ZNF618: variants seen among roughly 807,000 people sequenced by gnomAD.
ZNF618 encodes the protein zinc finger protein 618.
A neutral mutation model predicts 103.0 loss-of-function variants in ZNF618; 34 were observed. The observed-to-expected ratio is 0.33, with a 90% CI of 0.25 to 0.44. ZNF618 has a LOEUF of 0.44. Ranked by LOEUF, ZNF618 falls within the 20% of genes least tolerant of loss-of-function variation. ZNF618 has a pLI of 1.00. For synonymous variants in ZNF618, 551 were observed against 542.2 expected (o/e 1.02, Z -0.23); for missense variants, 1,059 against 1,295.4 (o/e 0.82, Z 2.80).
rs146630574 is a variant in ZNF618, at chr9:113,978,256, G to A, written c.77+9096G>A. Among the ~76,000 whole-genome samples the A allele has an allele frequency of 3.5e-3, 536 of 152,338 alleles. 4 individuals are homozygous for A. Among genetic ancestry groups the A allele is most frequent in the African/African-American group, 0.011 (463 of 41,568 alleles). On this transcript the variant is annotated intron_variant, in intron 2 of 14. Coordinates refer to ENST00000374126, the MANE Select transcript of ZNF618 (RefSeq NM_001318042.2). ...ATGGGCCTCGCTCCTGTCATTTGCG[G>A]ACACTGTGGTTCTGCTCCATGTTCT...
At chr9:113,903,224 A>C (rs1830704452) in intron 1 of ZNF618, among the ~76,000 whole-genome samples, 1 of 152,214 alleles carries the variant, frequency 6.6e-6, no homozygotes, top group Non-Finnish European at 1.5e-5. Context: ...TGAAAACAAT[A>C]CAGATGACAC....
At chr9:113,932,392 A>G (rs1464601275) in intron 1 of ZNF618, among the ~76,000 whole-genome samples, 5 of 152,064 alleles carry the variant, frequency 3.3e-5, no homozygotes, top group Admixed American at 3.3e-4. Context: ...GGCCACTGGG[A>G]AGGGGTTGGA....
chr9:114,043,387 C>T (rs1041348264), intron 13 of ZNF618, among the ~76,000 whole-genome samples: 1 of 152,226 alleles, frequency 6.6e-6, no homozygotes, highest in African/African-American at 2.4e-5. Context: ...TCCCTGTCTA[C>T]ACCTTTTATC....
chr9:113,936,360 C>T (rs141247954), intron 1 of ZNF618, among the ~76,000 whole-genome samples: 1 of 152,344 alleles, frequency 6.6e-6, no homozygotes, highest in Non-Finnish European at 1.5e-5. Flanking sequence ...AGTAAAGTGC[C>T]CACTATCGTG....
chr9:113,968,716 T>C (rs1377540867), intron 1 of ZNF618, among the ~76,000 whole-genome samples: 1 of 152,196 alleles, frequency 6.6e-6, no homozygotes, highest in Admixed American at 6.5e-5. Context: ...TATTTTAACA[T>C]AATAGGATTT....
chr9:114,048,029 C>G, intron 14 of ZNF618, 35 bp downstream of exon 14: 1 of 1,526,024 alleles, frequency 6.6e-7, no homozygotes. Context: ...ACCTGAGGGT[C>G]CCCTTATGCT....
At chr9:113,986,816 C>A (rs1290571394) in intron 2 of ZNF618, among the ~76,000 whole-genome samples, 2 of 152,168 alleles carry the variant, frequency 1.3e-5, no homozygotes, top group African/African-American at 4.8e-5. Flanking sequence ...CTCAGTTTCC[C>A]AACCTTTCTC....
At chr9:114,019,284 T>C (rs1243134132) in intron 10 of ZNF618, among the ~76,000 whole-genome samples, 1 of 152,256 alleles carries the variant, frequency 6.6e-6, no homozygotes. Flanking sequence ...TAGGCTATTA[T>C]AAATAAAGCT....
chr9:113,979,936 G>A (rs1360154206), intron 2 of ZNF618, among the ~76,000 whole-genome samples: 2 of 152,286 alleles, frequency 1.3e-5, no homozygotes, highest in South Asian at 4.1e-4. Context: ...GCAGTGTATA[G>A]GGGAAAGGGA....
At chr9:114,036,218 A>G in intron 12 of ZNF618, 82 bp from the exon 13 acceptor site, 1 of 1,372,076 alleles carries the variant, frequency 7.3e-7, no homozygotes, top group South Asian at 1.3e-5. Context: ...TTGGGTTCCC[A>G]CTTGCAAAGC....
chr9:114,048,796 C>T lies in ZNF618; in HGVS notation c.1494C>T (p.Thr498=), dbSNP rs1181005395. 5 of 1,613,894 alleles carry T rather than the reference C, an allele frequency of 3.1e-6. No homozygotes were observed. Among genetic ancestry groups the T allele is most frequent in the East Asian group, 2.2e-5 (1 of 44,892 alleles). Residue 498 remains threonine (T), a synonymous_variant, in exon 15 of 15, where the codon ACC becomes ACT. Transcript: ENST00000374126. ...SGKEFLKLAQ[T]LVDSGARYGA... ...AGGAGTTCCTGAAGTTGGCCCAGAC[C>T]TTAGTAGACAGTGGTGCCCGCTATG... is the stretch of plus-strand genomic sequence containing the variant.
chr9:113,972,230 G>C (rs1474419485), intron 2 of ZNF618, among the ~76,000 whole-genome samples: 1 of 152,050 alleles, frequency 6.6e-6, no homozygotes, highest in Non-Finnish European at 1.5e-5. Context: ...GCATCTTTTT[G>C]TAGAGCTGGG....
At chr9:114,012,357 AAG>A (rs34560424) in intron 9 of ZNF618, among the ~76,000 whole-genome samples, 43,727 of 151,916 alleles carry the variant, frequency 0.29, 7,780 homozygotes, top group East Asian at 0.61. Flanking sequence ...ATGATGGTGA[AAG>A]AGAGAGAGAG....
rs1246407887 is a variant in ZNF618, at chr9:114,052,487, G to A, written c.*2320G>A. ...ACAGGAACCTCATGTCACTTCCTAG[G>A]GAATATGGGAAGAAACATCAGCAGA... On this transcript the variant is annotated 3_prime_UTR_variant, in exon 15 of 15. Transcript: ENST00000374126. The A allele has an allele frequency of 6.6e-6, 1 of 152,386 alleles. No homozygotes were observed. The highest frequency in any genetic ancestry group is 1.5e-5 in the Non-Finnish European group (1 of 68,038). The allele number at this position is 152,386 out of a possible 1,614,324, so 9.4% of individuals were successfully genotyped here.
intron 1 of ZNF618, among the ~76,000 whole-genome samples, chr9:113,929,160 G>T (rs1833357227): frequency 6.6e-6 from 1 of 152,172 alleles, no homozygotes; most frequent in South Asian, 2.1e-4. Context: ...AGCTCCTGGA[G>T]TTAAAATCTA....
At chr9:113,977,549 G>A (rs115121977) in intron 2 of ZNF618, among the ~76,000 whole-genome samples, 2,724 of 152,194 alleles carry the variant, frequency 0.018, 92 homozygotes, top group African/African-American at 0.062. Flanking sequence ...GACAGCATGG[G>A]CCCCTCATTG....
At chr9:114,001,899 CAGAG>C in intron 4 of ZNF618, 93 bp from the exon 5 acceptor site, 4 of 1,054,640 alleles carry the variant, frequency 3.8e-6, no homozygotes, top group Non-Finnish European at 5.9e-6. Flanking sequence ...GCCCCTGGGA[CAGAG>C]AGTTAGCCAC....
chr9:114,002,146 C>T, intron 5 of ZNF618, 73 bp downstream of exon 5: 2 of 1,415,150 alleles, frequency 1.4e-6, no homozygotes, highest in Non-Finnish European at 2.0e-6. Context: ...CACTTGGGCC[C>T]CTCGTGGGTG....
intron 1 of ZNF618, among the ~76,000 whole-genome samples, chr9:113,959,187 G>T (rs1836605014): frequency 6.6e-6 from 1 of 152,104 alleles, no homozygotes; most frequent in African/African-American, 2.4e-5. Context: ...TACTCAGGAG[G>T]CTGAGGCAGG....
Sources: allele counts gnomAD v4.1 joint callset (sites outside exome capture counted in the v4.1 genomes callset), GRCh38; gene constraint gnomAD v4.1.1; transcripts MANE v1.5; gene names NCBI Gene and HGNC (gene_info 2026-07-23, HGNC 2026-07-21).